Variants in CAMKMT observed in about 807,000 individuals in gnomAD.
CAMKMT encodes CaM KMT.
CAMKMT carries 53 observed loss-of-function variants against 48.0 expected under a neutral mutation model. The observed-to-expected ratio is 1.10, with a 90% CI of 0.89 to 1.39. The LOEUF (loss-of-function observed/expected upper bound fraction) is 1.39, where lower values mean the gene tolerates loss of function less well. Ranked by LOEUF, CAMKMT falls within the 40% of genes most tolerant of loss-of-function variation. The probability of loss-of-function intolerance (pLI) is 0.00; values close to 1 mark genes in which losing one functional copy is unlikely to be tolerated. For missense variants in CAMKMT, 428 were observed against 402.7 expected (o/e 1.06, Z -0.54); for synonymous variants, 165 against 152.3 (o/e 1.08, Z -0.61).
At chr2:44,646,732 G>T (rs1454117875) in intron 3 of CAMKMT, among the ~76,000 whole-genome samples, 2 of 152,072 alleles carry the variant, frequency 1.3e-5, no homozygotes, top group African/African-American at 4.8e-5. Context: ...TATTCAAATT[G>T]CTTCAAAGAA....
intron 3 of CAMKMT, among the ~76,000 whole-genome samples, chr2:44,420,957 A>G (rs1359908420): frequency 3.3e-5 from 5 of 152,156 alleles, no homozygotes; most frequent in Non-Finnish European, 7.4e-5. Context: ...GATCACAAAG[A>G]AAGTGCTAAA....
chr2:44,650,536 G>T (rs970065106), intron 3 of CAMKMT, among the ~76,000 whole-genome samples: 2 of 152,088 alleles, frequency 1.3e-5, no homozygotes, highest in African/African-American at 4.8e-5. Context: ...TTATACCTAG[G>T]ATTAGTAATG....
chr2:44,766,404 T>A, intron 9 of CAMKMT, 26 bp from the exon 10 acceptor site: 1 of 1,613,082 alleles, frequency 6.2e-7, no homozygotes, highest in Non-Finnish European at 8.5e-7. Flanking sequence ...TTTTAAAATA[T>A]GTGAATTTCC....
chr2:44,733,150 A>C (rs757568680), intron 7 of CAMKMT, among the ~76,000 whole-genome samples: 5 of 152,198 alleles, frequency 3.3e-5, no homozygotes, highest in Admixed American at 6.5e-5. Context: ...ATGGAGACTC[A>C]ATTGTTAAAA....
At chr2:44,582,869 C>T (rs1055499126) in intron 3 of CAMKMT, among the ~76,000 whole-genome samples, 3 of 152,124 alleles carry the variant, frequency 2.0e-5, no homozygotes, top group African/African-American at 7.2e-5. Context: ...GAAAGTGACT[C>T]CCAGTTTCTA....
chr2:44,769,810 A>T (rs183418974), intron 10 of CAMKMT, among the ~76,000 whole-genome samples: 39 of 152,296 alleles, frequency 2.6e-4, no homozygotes, highest in Non-Finnish European at 7.4e-5. Context: ...AAAATGCCAC[A>T]TTACAAGTGG....
chr2:44,706,072 A>AG (rs1215111965), intron 4 of CAMKMT, among the ~76,000 whole-genome samples: 1 of 152,162 alleles, frequency 6.6e-6, no homozygotes. Flanking sequence ...AACACTAATG[A>AG]GGGAACCCCC....
At chr2:44,401,569 T>G (rs968221524) in intron 3 of CAMKMT, among the ~76,000 whole-genome samples, 1 of 151,910 alleles carries the variant, frequency 6.6e-6, no homozygotes, top group African/African-American at 2.4e-5. Context: ...AAAAATAAAA[T>G]AAAATTTAAA....
At chr2:44,389,096 C>G (rs1681062407) in intron 2 of CAMKMT, among the ~76,000 whole-genome samples, 1 of 152,122 alleles carries the variant, frequency 6.6e-6, no homozygotes, top group African/African-American at 2.4e-5. Flanking sequence ...TTGTCTTCAG[C>G]TACCAGGCTG....
chr2:44,507,534 AT>A (rs1670324288), intron 3 of CAMKMT, among the ~76,000 whole-genome samples: 1 of 151,662 alleles, frequency 6.6e-6, no homozygotes, highest in East Asian at 1.9e-4. Flanking sequence ...ATTTCATCTC[AT>A]TTTTTTCTTG....
At chr2:44,576,327 T>TAAAAAA (rs569571059) in intron 3 of CAMKMT, among the ~76,000 whole-genome samples, 5 of 76,626 alleles carry the variant, frequency 6.5e-5, no homozygotes, top group African/African-American at 1.3e-4. Flanking sequence ...AAACTCTGTC[T>TAAAAAA]AAAAAAAAAA....
At chr2:44,452,987 A>G (rs1348232774) in intron 3 of CAMKMT, among the ~76,000 whole-genome samples, 1 of 152,044 alleles carries the variant, frequency 6.6e-6, no homozygotes, top group Admixed American at 6.6e-5. Flanking sequence ...ATTATTATAC[A>G]TTTGCTAGTT....
At chr2:44,631,935 C>A (rs1010810764) in intron 3 of CAMKMT, among the ~76,000 whole-genome samples, 1 of 152,062 alleles carries the variant, frequency 6.6e-6, no homozygotes, top group Non-Finnish European at 1.5e-5. Context: ...TAATATTATA[C>A]TATTTCACAT....
At chr2:44,485,953 G>A (rs1669196223) in intron 3 of CAMKMT, among the ~76,000 whole-genome samples, 1 of 151,984 alleles carries the variant, frequency 6.6e-6, no homozygotes, top group Admixed American at 6.6e-5. Flanking sequence ...GATTATGTGG[G>A]TGTGTTCACT....
Position 44,706,236 on chromosome 2 carries a change from C to T in CAMKMT, c.438-51C>T, listed in dbSNP as rs114355645. On this transcript the variant is annotated intron_variant, in intron 4 of 10. Coordinates refer to ENST00000378494, the MANE Select transcript of CAMKMT (RefSeq NM_024766.5). ...TCTTGTAACATATATCTCTCTCTGA[C>T]CATTTTCATCTAATTTGTATGGGTT... is the stretch of plus-strand genomic sequence containing the variant. The T allele has an allele frequency of 3.5e-4, 554 of 1,583,758 alleles. 3 individuals are homozygous for T. The African/African-American group carries it at 6.8e-3, about 19-fold the overall frequency.
intron 3 of CAMKMT, among the ~76,000 whole-genome samples, chr2:44,529,143 T>C (rs1208913599): frequency 1.3e-5 from 2 of 152,204 alleles, no homozygotes; most frequent in Non-Finnish European, 2.9e-5. Flanking sequence ...TTCAGAATAA[T>C]GAATTGGTTC....
At chr2:44,440,233 T>G (rs1666563579) in intron 3 of CAMKMT, among the ~76,000 whole-genome samples, 1 of 152,222 alleles carries the variant, frequency 6.6e-6, no homozygotes, top group Admixed American at 6.5e-5. Flanking sequence ...TCCTTGAGTT[T>G]CCTGAGGTTC....
intron 9 of CAMKMT, among the ~76,000 whole-genome samples, chr2:44,762,723 G>T (rs1460234016): frequency 6.6e-6 from 1 of 152,280 alleles, no homozygotes; most frequent in African/African-American, 2.4e-5. Context: ...CCTTTAATGT[G>T]TAAGTATAGA....
chr2:44,566,600 C>T (rs1668631905), intron 3 of CAMKMT, among the ~76,000 whole-genome samples: 1 of 151,896 alleles, frequency 6.6e-6, no homozygotes, highest in South Asian at 2.1e-4. Flanking sequence ...GATCAAGCAG[C>T]CCTCTTTGCC....
Sources: gnomAD v4.1 joint callset for allele counts (sites outside exome capture counted in the v4.1 genomes callset) on GRCh38, gnomAD v4.1.1 for gene constraint, MANE v1.5 for transcripts, NCBI Gene and HGNC (gene_info 2026-07-23, HGNC 2026-07-21) for gene names.